Variants in PTBP1 observed in about 807,000 individuals in gnomAD.
PTBP1 encodes the protein polypyrimidine tract-binding protein 1.
PTBP1 carries 8 observed loss-of-function variants against 59.8 expected under a neutral mutation model. The ratio of observed to expected loss-of-function variants is 0.13; its 90% CI spans 0.08 to 0.24. PTBP1 has a LOEUF of 0.24. PTBP1 is among the 10% of genes least tolerant of loss of function. The pLI is 1.00. For synonymous variants in PTBP1, 490 were observed against 320.7 expected, an observed-to-expected ratio of 1.53 and a Z score of -5.64; for missense variants, 686 against 767.0, an observed-to-expected ratio of 0.89 and a Z score of 1.25.
rs943784560 is a variant in PTBP1 at position 811,851 on chromosome 19, A to C, written c.*1025A>C. 1 of 152,264 alleles carries C rather than the reference A, an allele frequency of 6.6e-6. No individual in the cohort carries two copies. Among genetic ancestry groups the C allele is most frequent in the African/African-American group, 2.4e-5 (1 of 41,396 alleles). 9.4% of individuals were successfully genotyped at this position (152,264 alleles called of 1,614,324 possible). ...AACTTCAGGGTTTTTTCTTCCTTCA[A>C]ATTTTGGACCAAAGTCTCATTTCTG... On this transcript the variant is annotated 3_prime_UTR_variant, in exon 15 of 15. Transcript: ENST00000356948.
At chr19:806,320 C>CGGTGCAT in intron 9 of PTBP1, 88 bp from the exon 10 acceptor site, 1 of 1,396,224 alleles carries the variant, frequency 7.2e-7, no homozygotes, top group East Asian at 3.0e-5. Flanking sequence ...CTCGGCTCCT[C>CGGTGCAT]GGTGCATGAG....
intron 9 of PTBP1, 31 bp from the exon 10 acceptor site, chr19:806,377 C>T (rs779803262): frequency 2.7e-5 from 43 of 1,577,440 alleles, no homozygotes; most frequent in Non-Finnish European, 3.7e-5. Context: ...GTCGGGGGCG[C>T]CGCCGCTCAT....
rs1264497407 is a variant in PTBP1, at chr19:803,494, G to A, written c.40-67G>A. 2.5e-5 allele frequency: 36 copies of A among 1,414,886 alleles called. 1 individual carries two copies. Among genetic ancestry groups the A allele is most frequent in the Non-Finnish European group, 3.3e-5 (33 of 1,002,086 alleles). 87.6% of individuals were successfully genotyped at this position (1,414,886 alleles called of 1,614,324 possible). On this transcript the variant is annotated intron_variant, in intron 2 of 14. Transcript: ENST00000356948. Reference sequence around the variant, plus strand: ...AGGCAGCCCAAGTGGGAGCAGGGCCGGCCGGTGGGGAAGGGAGGCTCTGGC... The same window carrying A: ...AGGCAGCCCAAGTGGGAGCAGGGCCAGCCGGTGGGGAAGGGAGGCTCTGGC...
intron 9 of PTBP1, chr19:806,174 GAGCCC>G (rs928805718): frequency 1.6e-5 from 7 of 448,078 alleles, no homozygotes; most frequent in Non-Finnish European, 2.4e-5. Flanking sequence ...GCATGCAGAT[GAGCCC>G]AGGCCCGGCC....
At chr19:801,813 C>T (rs970838586) in intron 2 of PTBP1, among the ~76,000 whole-genome samples, 9 of 152,188 alleles carry the variant, frequency 5.9e-5, no homozygotes, top group Admixed American at 3.9e-4. Flanking sequence ...CCACCTGAGG[C>T]GGCTGGCTCT....
chr19:799,250 G>T, intron 1 of PTBP1, 163 bp from the exon 2 acceptor site: 1 of 765,922 alleles, frequency 1.3e-6, no homozygotes, highest in Non-Finnish European at 2.4e-6. Context: ...TCACTTCCCT[G>T]CCCTTCTGAG....
intron 9 of PTBP1, chr19:806,193 C>T (rs1370492222): frequency 8.1e-6 from 4 of 495,182 alleles, no homozygotes; most frequent in Non-Finnish European, 1.4e-5. Flanking sequence ...CCCGGCCCGG[C>T]CCGTGCTGTG....
rs1568281120 is a variant in PTBP1, at chr19:812,140, C to T, written c.*1314C>T. 1.3e-5 allele frequency: 2 copies of T among 152,410 alleles called. No homozygotes were observed. The highest frequency in any genetic ancestry group is 4.8e-5 in the African/African-American group (2 of 41,442). 9.4% of individuals were successfully genotyped at this position (152,410 alleles called of 1,614,324 possible). A position where few individuals can be genotyped will look rare whatever the true frequency, so the allele number is the denominator to read the frequency against. ...GCTCAGTATTGTGACCGCGGAGCCA[C>T]AGGGGACCCCACGCACATTCCGTTG... On this transcript the variant is annotated 3_prime_UTR_variant, in exon 15 of 15. Coordinates refer to ENST00000356948, the MANE Select transcript of PTBP1 (RefSeq NM_002819.5).
At chr19:801,632 C>G (rs907151511) in intron 2 of PTBP1, among the ~76,000 whole-genome samples, 4 of 152,204 alleles carry the variant, frequency 2.6e-5, no homozygotes, top group Non-Finnish European at 5.9e-5. Context: ...TGGACGGGGT[C>G]GGCTCCTGGG....
At position 799,497 on chromosome 19, in the gene PTBP1, C is replaced by G; in HGVS notation, c.39+54C>G. 7 of 1,581,310 alleles carry G rather than the reference C, an allele frequency of 4.4e-6. No individual in the cohort carries two copies. The South Asian group carries it at 7.7e-5, about 17-fold the overall frequency. On this transcript the variant is annotated intron_variant, in intron 2 of 14. Transcript: ENST00000356948. ...GACGCTCCTCTGACCTTGTGCCGAC[C>G]CCGGGGGCCACCCCCCAGCGCTGTT...
rs536900173 is a variant in PTBP1, at chr19:812,241, G to A, written c.*1415G>A. ...AAACTCCTCCCTTGTCTAGCCCTGT[G>A]TTCGCTGTGGACGCTGTAGAGGCAG... On this transcript the variant is annotated 3_prime_UTR_variant, in exon 15 of 15. Transcript: ENST00000356948. 1 of 152,790 alleles carries A rather than the reference G, an allele frequency of 6.5e-6. No individual in the cohort carries two copies. Among genetic ancestry groups the A allele is most frequent in the African/African-American group, 2.4e-5 (1 of 41,582 alleles). The allele number at this position is 152,790 out of a possible 1,614,324, so 9.5% of individuals were successfully genotyped here.
chr19:805,847 G>A (rs1183517908), intron 9 of PTBP1: 9 of 470,650 alleles, frequency 1.9e-5, no homozygotes, highest in African/African-American at 3.9e-5. Flanking sequence ...CCGGGCGAGC[G>A]CGAGGACCGC....
At chr19:806,273 C>G in intron 9 of PTBP1, 135 bp from the exon 10 acceptor site, 1 of 1,045,568 alleles carries the variant, frequency 9.6e-7, no homozygotes, top group Non-Finnish European at 1.3e-6. Context: ...CACAGGCACC[C>G]AGGGTAGGGC....
intron 9 of PTBP1, 169 bp downstream of exon 9, chr19:805,738 G>A (rs1289011490): frequency 2.6e-5 from 17 of 648,666 alleles, no homozygotes; most frequent in Non-Finnish European, 4.6e-5. Flanking sequence ...CTTGGCCAGG[G>A]CAGTGGTAGG....
Position 805,878 on chromosome 19 carries a change from CTAG to C in PTBP1, c.970+314_970+316del. 9.6e-6 allele frequency: 4 copies of C among 415,452 alleles called. No homozygotes were observed. In the South Asian group the frequency reaches 9.9e-5, roughly 10 times the overall value. The allele number at this position is 415,452 out of a possible 1,614,324, so 25.7% of individuals were successfully genotyped here. On this transcript the variant is annotated intron_variant, in intron 9 of 14. Coordinates refer to ENST00000356948, the MANE Select transcript of PTBP1 (RefSeq NM_002819.5). The stretch of plus-strand genomic sequence containing the variant: ...ACCGCCAGTGGTTGGAGGGATGTCT[CTAG>C]TAGTTGAATTTGAGTGGCCTGGTAA...
intron 13 of PTBP1, among the ~76,000 whole-genome samples, chr19:809,770 T>G (rs532955812): frequency 3.3e-5 from 5 of 152,106 alleles, no homozygotes; most frequent in Admixed American, 6.6e-5. Context: ...GGTGTGCACG[T>G]CAGGTCCCAG....
intron 1 of PTBP1, among the ~76,000 whole-genome samples, chr19:798,756 GC>G (rs1461426637): frequency 1.3e-5 from 2 of 152,392 alleles, no homozygotes; most frequent in East Asian, 3.9e-4. Context: ...CCTGGCCGGG[GC>G]TGAAGGGAGG....
chr19:809,162 C>G (rs978047829), intron 13 of PTBP1, among the ~76,000 whole-genome samples: 1 of 151,942 alleles, frequency 6.6e-6, no homozygotes, highest in Non-Finnish European at 1.5e-5. Flanking sequence ...GCACCCACAA[C>G]CACACCTGGC....
intron 6 of PTBP1, 23 bp downstream of exon 6, chr19:804,725 A>G: frequency 1.2e-6 from 2 of 1,610,056 alleles, no homozygotes; most frequent in Non-Finnish European, 1.7e-6. Flanking sequence ...CATCACCGCC[A>G]GGGCAGGTCG....
Sources: gnomAD v4.1 joint callset for allele counts (sites outside exome capture counted in the v4.1 genomes callset) on GRCh38, gnomAD v4.1.1 for gene constraint, MANE v1.5 for transcripts, NCBI Gene and HGNC (gene_info 2026-07-23, HGNC 2026-07-21) for gene names.